ADGRL3: variants seen among roughly 807,000 people sequenced by gnomAD.
ADGRL3 encodes the protein adhesion G protein-coupled receptor L3.
Under a neutral mutation model 153.5 loss-of-function variants are expected in ADGRL3, and 62 were observed. The ratio of observed to expected loss-of-function variants is 0.40; its 90% CI spans 0.33 to 0.50. The LOEUF (loss-of-function observed/expected upper bound fraction) is 0.50, where lower values mean the gene tolerates loss of function less well. Ranked by LOEUF, ADGRL3 falls within the 20% of genes least tolerant of loss-of-function variation. The pLI, the probability that ADGRL3 is intolerant of heterozygous loss-of-function variation, is 0.47. For synonymous variants in ADGRL3, 710 were observed against 672.5 expected (o/e 1.06, Z -0.86); for missense variants, 1,641 against 1,859.4 (o/e 0.88, Z 2.16).
chr4:61,767,113 G>T (rs1241226147), intron 8 of ADGRL3, among the ~76,000 whole-genome samples: 2 of 151,956 alleles, frequency 1.3e-5, no homozygotes, highest in African/African-American at 4.8e-5. Flanking sequence ...TGGTCGCCAA[G>T]GAGGGAGTAG....
chr4:61,965,004 G>T (rs1340685743), intron 17 of ADGRL3, among the ~76,000 whole-genome samples: 2 of 151,508 alleles, frequency 1.3e-5, no homozygotes, highest in Non-Finnish European at 2.9e-5. Context: ...CTTTTTTTCT[G>T]GCCTATTAGT....
At chr4:61,989,096 C>A (rs896689047) in intron 19 of ADGRL3, among the ~76,000 whole-genome samples, 1 of 151,946 alleles carries the variant, frequency 6.6e-6, no homozygotes, top group Admixed American at 6.6e-5. Context: ...ATCTAACCAG[C>A]ATAATCATGT....
chr4:61,460,738 A>G (rs2097801790), intron 2 of ADGRL3, among the ~76,000 whole-genome samples: 1 of 152,144 alleles, frequency 6.6e-6, no homozygotes, highest in Non-Finnish European at 1.5e-5. Flanking sequence ...GGCAGCAGGC[A>G]AGAGAGAAGC....
At chr4:61,766,516 G>A (rs2096982924) in intron 8 of ADGRL3, among the ~76,000 whole-genome samples, 3 of 152,148 alleles carry the variant, frequency 2.0e-5, no homozygotes, top group Admixed American at 2.0e-4. Context: ...AGGAGTTGTT[G>A]TTTTGTAGAA....
chr4:61,432,312 A>C (rs1346822341), intron 2 of ADGRL3, among the ~76,000 whole-genome samples: 2 of 152,190 alleles, frequency 1.3e-5, no homozygotes, highest in East Asian at 3.8e-4. Flanking sequence ...TTTTTAGTCC[A>C]TTCCACATCT....
intron 8 of ADGRL3, among the ~76,000 whole-genome samples, chr4:61,793,454 T>C (rs898714918): frequency 6.6e-6 from 1 of 151,944 alleles, no homozygotes; most frequent in African/African-American, 2.4e-5. Context: ...TCAGATCTCA[T>C]GAGGCTTATT....
intron 8 of ADGRL3, among the ~76,000 whole-genome samples, chr4:61,741,696 C>A (rs1016551005): frequency 1.3e-5 from 2 of 152,184 alleles, no homozygotes; most frequent in Non-Finnish European, 2.9e-5. Flanking sequence ...GCCTTTCAGG[C>A]TCTGAGTAAA....
intron 8 of ADGRL3, among the ~76,000 whole-genome samples, chr4:61,755,613 C>T (rs1271941654): frequency 2.6e-5 from 4 of 152,128 alleles, no homozygotes; most frequent in South Asian, 2.1e-4. Context: ...TGCAGAAGCT[C>T]TTTAGTTTAA....
chr4:61,757,241 A>G (rs1484165244), intron 8 of ADGRL3, among the ~76,000 whole-genome samples: 1 of 152,028 alleles, frequency 6.6e-6, no homozygotes, highest in Non-Finnish European at 1.5e-5. Context: ...CTGTGAATCC[A>G]TCTGGTCCTG....
chr4:61,368,963 T>C (rs1382697344), intron 1 of ADGRL3, among the ~76,000 whole-genome samples: 1 of 152,182 alleles, frequency 6.6e-6, no homozygotes, highest in Non-Finnish European at 1.5e-5. Context: ...TAAGTTGGAT[T>C]CCTAGGTATT....
chr4:62,048,725 T>A (rs1439884731), intron 25 of ADGRL3, among the ~76,000 whole-genome samples: 1 of 151,658 alleles, frequency 6.6e-6, no homozygotes, highest in Non-Finnish European at 1.5e-5. Flanking sequence ...TCTTTTTTTT[T>A]AACTTTTTTT....
intron 4 of ADGRL3, among the ~76,000 whole-genome samples, chr4:61,558,173 C>CATATATATATATATATATATATAT (rs33947698): frequency 6.4e-4 from 83 of 128,998 alleles, no homozygotes; most frequent in African/African-American, 2.2e-3. Flanking sequence ...ATGTAGGAAT[C>CATATATATATATATATATATATAT]ATATATATAT....
intron 24 of ADGRL3, 115 bp downstream of exon 24, chr4:62,037,971 T>A: frequency 9.4e-7 from 1 of 1,067,928 alleles, no homozygotes; most frequent in Non-Finnish European, 1.4e-6. Flanking sequence ...TTTTGTTGTT[T>A]CACTGTGTCT....
chr4:61,696,932 C>T (rs1013229175), intron 6 of ADGRL3, among the ~76,000 whole-genome samples: 4 of 152,082 alleles, frequency 2.6e-5, no homozygotes, highest in South Asian at 2.1e-4. Flanking sequence ...CAGCCTCAGC[C>T]TCCTAAAGTG....
chr4:61,305,813 G>A (rs890132734), intron 1 of ADGRL3, among the ~76,000 whole-genome samples: 1 of 152,096 alleles, frequency 6.6e-6, no homozygotes, highest in African/African-American at 2.4e-5. Flanking sequence ...TAGATATAAG[G>A]CATCTTTAAT....
At chr4:61,477,929 G>T (rs2098085338) in intron 2 of ADGRL3, among the ~76,000 whole-genome samples, 1 of 151,902 alleles carries the variant, frequency 6.6e-6, no homozygotes. Flanking sequence ...TCAAAAAAAG[G>T]CTTGAAATAG....
At chr4:61,876,656 T>C (rs1352219006) in intron 9 of ADGRL3, among the ~76,000 whole-genome samples, 1 of 151,328 alleles carries the variant, frequency 6.6e-6, no homozygotes, top group African/African-American at 2.4e-5. Flanking sequence ...GTAGAGAGTA[T>C]GAGAAATAAA....
In ADGRL3 at chr4:61,873,664, A is replaced by G. The variant is rs754834461; in HGVS notation, c.1481-18992A>G. ...GATTATTATATATTTAAAAGATCCT[A>G]AGACCATTATCAGCATGCAGTAGCC... is the stretch of plus-strand genomic sequence containing the variant. On this transcript the variant is annotated intron_variant, in intron 9 of 26. Coordinates refer to ENST00000683033, the MANE Select transcript of ADGRL3 (RefSeq NM_001387552.1). Among the ~76,000 whole-genome samples, 111 of 152,334 alleles carry G rather than the reference A, an allele frequency of 7.3e-4. No homozygotes were observed. In the Middle Eastern group the frequency reaches 0.01, roughly 14 times the overall value.
At chr4:61,388,555 A>G (rs557846401) in intron 2 of ADGRL3, among the ~76,000 whole-genome samples, 1 of 152,296 alleles carries the variant, frequency 6.6e-6, no homozygotes, top group Admixed American at 6.5e-5. Context: ...TATCTCACAC[A>G]TCCATCAGCA....
Sources: allele counts gnomAD v4.1 joint callset (sites outside exome capture counted in the v4.1 genomes callset), GRCh38; gene constraint gnomAD v4.1.1; transcripts MANE v1.5; gene names NCBI Gene and HGNC (gene_info 2026-07-23, HGNC 2026-07-21).